CCNY: variants seen among roughly 807,000 people sequenced by gnomAD.
The protein encoded by CCNY is cyclin Y.
In CCNY, 19 loss-of-function variants were observed where a neutral mutation model predicts 42.8. The observed-to-expected ratio is 0.44, with a 90% CI of 0.31 to 0.65. The LOEUF is 0.65. Ranked by LOEUF, CCNY falls within the 30% of genes least tolerant of loss-of-function variation. CCNY has a pLI of 0.07. For missense variants in CCNY, 370 were observed against 437.3 expected (o/e 0.85, Z 1.37); for synonymous variants, 165 against 162.7 (o/e 1.01, Z -0.11).
intron 1 of CCNY, among the ~76,000 whole-genome samples, chr10:35,482,338 T>C (rs1453849338): frequency 6.6e-6 from 1 of 152,246 alleles, no homozygotes; most frequent in Non-Finnish European, 1.5e-5. Context: ...TTATTCTGAC[T>C]CTCTAAGTTG....
In CCNY at chr10:35,303,305, C is replaced by T. The variant is rs553217929; in HGVS notation, c.-9+52679C>T. On this transcript the variant is annotated intron_variant, in intron 3 of 11. Transcript: ENST00000374706. ...AAGCAATTCTCCTGCCTCAGCCTCC[C>T]GAGTAGCTGGGATTACAGGCATGCA... Among the ~76,000 whole-genome samples, 301 of 151,784 alleles carry T rather than the reference C, an allele frequency of 2.0e-3. 2 individuals carry two copies. Among genetic ancestry groups the T allele is most frequent in the African/African-American group, 6.9e-3 (284 of 41,440 alleles).
At chr10:35,313,967 G>C (rs10764040) in intron 3 of CCNY, among the ~76,000 whole-genome samples, 50,536 of 125,940 alleles carry the variant, frequency 0.4, 9,594 homozygotes, top group East Asian at 0.47. Flanking sequence ...TAAAGTGAGA[G>C]TTCATCTCGG....
intron 3 of CCNY, among the ~76,000 whole-genome samples, chr10:35,259,920 G>A (rs1488610458): frequency 2.0e-5 from 3 of 151,050 alleles, no homozygotes; most frequent in African/African-American, 7.3e-5. Context: ...GGGACCCTGG[G>A]GCATCCCATT....
At chr10:35,414,067 C>T (rs1837971832) in intron 1 of CCNY, among the ~76,000 whole-genome samples, 2 of 152,120 alleles carry the variant, frequency 1.3e-5, no homozygotes, top group African/African-American at 4.8e-5. Flanking sequence ...AAAAATAGGC[C>T]TATTTTTTCC....
intron 1 of CCNY, among the ~76,000 whole-genome samples, chr10:35,454,505 G>A (rs975829797): frequency 1.3e-5 from 2 of 152,236 alleles, no homozygotes; most frequent in Non-Finnish European, 2.9e-5. Context: ...CTGGAGCCTG[G>A]TAGAGTTAGG....
chr10:35,300,576 TC>T (rs1277078163), intron 3 of CCNY, among the ~76,000 whole-genome samples: 4 of 152,134 alleles, frequency 2.6e-5, no homozygotes, highest in Admixed American at 6.6e-5. Context: ...TTTTCTTAGA[TC>T]TTTATTTTTG....
chr10:35,479,066 A>C (rs1359793718), intron 1 of CCNY, among the ~76,000 whole-genome samples: 1 of 152,110 alleles, frequency 6.6e-6, no homozygotes, highest in African/African-American at 2.4e-5. Context: ...ATACCATCTC[A>C]CACCAGTTAG....
At chr10:35,281,290 A>ATTAT (rs747901500) in intron 3 of CCNY, among the ~76,000 whole-genome samples, 41 of 151,684 alleles carry the variant, frequency 2.7e-4, no homozygotes, top group Non-Finnish European at 2.8e-4. Context: ...TTATTTATTT[A>ATTAT]TTATTTATTT....
intron 3 of CCNY, among the ~76,000 whole-genome samples, chr10:35,253,612 T>C (rs1209378683): frequency 2.6e-5 from 4 of 151,578 alleles, no homozygotes; most frequent in Non-Finnish European, 5.9e-5. Flanking sequence ...TCTTAGTAGA[T>C]TCCCCATGAG....
chr10:35,419,533 CTT>C (rs34429228), intron 1 of CCNY, among the ~76,000 whole-genome samples: 116 of 129,612 alleles, frequency 8.9e-4, no homozygotes, highest in African/African-American at 8.5e-4. Context: ...TAGACCGTTC[CTT>C]TTTTTTTTTT....
chr10:35,340,263 G>C (rs555295853), intron 1 of CCNY, among the ~76,000 whole-genome samples: 11 of 152,300 alleles, frequency 7.2e-5, no homozygotes, highest in African/African-American at 2.6e-4. Context: ...TGCCTTCTGG[G>C]ATAGGGTGTC....
At chr10:35,552,345 G>A (rs1037446736) in intron 7 of CCNY, among the ~76,000 whole-genome samples, 1 of 152,192 alleles carries the variant, frequency 6.6e-6, no homozygotes, top group East Asian at 1.9e-4. Context: ...GTGGTTGCCC[G>A]GAGCTGCGGA....
At chr10:35,277,717 G>A (rs1007162698) in intron 3 of CCNY, among the ~76,000 whole-genome samples, 2 of 150,672 alleles carry the variant, frequency 1.3e-5, no homozygotes, top group Non-Finnish European at 3.0e-5. Flanking sequence ...CTATGCCCAT[G>A]TAAATTCTTT....
chr10:35,526,411 A>G (rs1325547341), intron 5 of CCNY, among the ~76,000 whole-genome samples: 1 of 152,244 alleles, frequency 6.6e-6, no homozygotes, highest in Non-Finnish European at 1.5e-5. Context: ...GGCATGAACT[A>G]TTTTAATATA....
intron 1 of CCNY, among the ~76,000 whole-genome samples, chr10:35,474,536 C>T (rs1839462858): frequency 6.6e-6 from 1 of 152,148 alleles, no homozygotes; most frequent in South Asian, 2.1e-4. Flanking sequence ...AGCAGGGGCA[C>T]ACTGACACCT....
At chr10:35,479,484 T>C (rs1210368575) in intron 1 of CCNY, among the ~76,000 whole-genome samples, 2 of 144,184 alleles carry the variant, frequency 1.4e-5, no homozygotes. Context: ...GAAATCATCA[T>C]TCTCAGTAAA....
chr10:35,473,967 G>C (rs1839445595), intron 1 of CCNY, among the ~76,000 whole-genome samples: 1 of 152,208 alleles, frequency 6.6e-6, no homozygotes, highest in Admixed American at 6.5e-5. Flanking sequence ...AGCAGGGCGA[G>C]GCATTGCCTC....
chr10:35,385,241 A>G (rs907637840), intron 1 of CCNY, among the ~76,000 whole-genome samples: 7 of 152,092 alleles, frequency 4.6e-5, no homozygotes, highest in African/African-American at 1.7e-4. Flanking sequence ...AAATTATCAT[A>G]CTCTTATTGT....
chr10:35,488,362 C>G (rs1402283027), intron 2 of CCNY, among the ~76,000 whole-genome samples: 1 of 152,210 alleles, frequency 6.6e-6, no homozygotes, highest in Admixed American at 6.5e-5. Flanking sequence ...TTGTCCTCCT[C>G]TTATCTAGCA....
Sources: gnomAD v4.1 joint callset for allele counts (sites outside exome capture counted in the v4.1 genomes callset) on GRCh38, gnomAD v4.1.1 for gene constraint, MANE v1.5 for transcripts, NCBI Gene and HGNC (gene_info 2026-07-23, HGNC 2026-07-21) for gene names.